LRP1B: variants seen among roughly 807,000 people sequenced by gnomAD.
LRP1B encodes LDL receptor related protein 1B, also known as low-density lipoprotein receptor-related protein 1B.
Under a neutral mutation model 556.6 loss-of-function variants are expected in LRP1B, and 217 were observed. The ratio of observed to expected loss-of-function variants is 0.39; its 90% CI spans 0.35 to 0.44. The LOEUF (loss-of-function observed/expected upper bound fraction) is 0.44, where lower values mean the gene tolerates loss of function less well. Ranked by LOEUF, LRP1B falls within the 20% of genes least tolerant of loss-of-function variation. LRP1B has a pLI of 1.00. For synonymous variants in LRP1B, 2,047 were observed against 1,865.8 expected, an observed-to-expected ratio of 1.10 and a Z score of -2.50; for missense variants, 5,053 against 5,620.8, an observed-to-expected ratio of 0.90 and a Z score of 3.23.
chr2:141,953,778 A>G (rs1701174709), intron 1 of LRP1B, among the ~76,000 whole-genome samples: 2 of 152,122 alleles, frequency 1.3e-5, no homozygotes, highest in African/African-American at 2.4e-5. Flanking sequence ...TTTGGCTTAT[A>G]TATGCCATTC....
In LRP1B at chr2:141,788,279, T is replaced by G. The variant is rs116296522; in HGVS notation, c.205+22000A>C. On this transcript the variant is annotated intron_variant, in intron 2 of 90. Coordinates refer to ENST00000389484, the MANE Select transcript of LRP1B (RefSeq NM_018557.3). Reference sequence around the variant, plus strand: ...TTGGAATTGTTGAGCTCCCTAAAACTGAAGTGATGATTCCTAACCTGGGAA... The same window carrying G: ...TTGGAATTGTTGAGCTCCCTAAAACGGAAGTGATGATTCCTAACCTGGGAA... 2.9e-3 allele frequency among the ~76,000 whole-genome samples: 447 copies of G among 152,114 alleles called. 3 individuals are homozygous for G. The highest frequency in any genetic ancestry group is 0.01 in the African/African-American group (423 of 41,532).
chr2:141,822,408 AG>A (rs1470473751), intron 1 of LRP1B, among the ~76,000 whole-genome samples: 1 of 152,206 alleles, frequency 6.6e-6, no homozygotes, highest in Non-Finnish European at 1.5e-5. Flanking sequence ...GAAGGAGAAA[AG>A]TTTGACATCT....
chr2:140,651,515 C>A (rs1574194304), intron 41 of LRP1B, among the ~76,000 whole-genome samples: 11 of 105,558 alleles, frequency 1.0e-4, no homozygotes, highest in East Asian at 2.8e-4. Flanking sequence ...AAAAAAAACA[C>A]ATACAAAAAT....
At position 140,506,663 on chromosome 2, in the gene LRP1B, G is replaced by GAAC. The variant is rs1378957199; in HGVS notation, c.8521+132_8521+133insGTT. 9.8e-5 allele frequency: 80 copies of GAAC among 813,276 alleles called. No homozygotes were observed. The African/African-American group carries it at 1.3e-3, about 13-fold the overall frequency. 50.4% of individuals were successfully genotyped at this position (813,276 alleles called of 1,614,324 possible). A position where few individuals can be genotyped will look rare whatever the true frequency, so the allele number is the denominator to read the frequency against. On this transcript the variant is annotated intron_variant, in intron 53 of 90. Transcript: ENST00000389484. Reference sequence around the variant, plus strand: ...AATAAGTTATATGTGCTGTGATTGTGTATTACTGAATTCACTGGGTGTTGA... The same window carrying GAAC: ...AATAAGTTATATGTGCTGTGATTGTGAACTATTACTGAATTCACTGGGTGTTGA...
chr2:141,966,935 C>G (rs1025487121), intron 1 of LRP1B, among the ~76,000 whole-genome samples: 12 of 151,820 alleles, frequency 7.9e-5, no homozygotes, highest in African/African-American at 2.7e-4. Flanking sequence ...GTGCTGGCTT[C>G]CATATTCTTG....
intron 3 of LRP1B, among the ~76,000 whole-genome samples, chr2:141,445,335 T>A (rs1168060153): frequency 6.6e-6 from 1 of 152,208 alleles, no homozygotes; most frequent in East Asian, 1.9e-4. Flanking sequence ...TTTATTAGTT[T>A]GGCTAGTGGT....
intron 11 of LRP1B, among the ~76,000 whole-genome samples, chr2:141,037,791 G>A (rs1698575765): frequency 6.6e-6 from 1 of 151,724 alleles, no homozygotes; most frequent in Non-Finnish European, 1.5e-5. Flanking sequence ...ATGTCCTTTG[G>A]CCAAAGGAAA....
chr2:141,198,794 G>A (rs543445261), intron 6 of LRP1B, among the ~76,000 whole-genome samples: 1 of 152,210 alleles, frequency 6.6e-6, no homozygotes, highest in South Asian at 2.1e-4. Flanking sequence ...TTTCCCAGTA[G>A]GCAAACATTA....
At chr2:142,082,508 C>A (rs1464780239) in intron 1 of LRP1B, among the ~76,000 whole-genome samples, 1 of 152,170 alleles carries the variant, frequency 6.6e-6, no homozygotes, top group African/African-American at 2.4e-5. Flanking sequence ...CAGTGAGCAG[C>A]CACACTGGCT....
In LRP1B at chr2:140,526,274, G is replaced by A. The variant is rs1298939574; in HGVS notation, c.7839C>T (p.Asn2613=). Residue 2613 remains asparagine (N), a synonymous_variant, in exon 48 of 91, where the codon AAC becomes AAT. Coordinates refer to ENST00000389484, the MANE Select transcript of LRP1B (RefSeq NM_018557.3). Reference sequence around the variant, plus strand: ...CATCTGAAGCATCTGCACAATCTATGTTCTGGTTGCATCGTGCTGATCTTG... The same window carrying A: ...CATCTGAAGCATCTGCACAATCTATATTCTGGTTGCATCGTGCTGATCTTG... ...CIPRSARCNQ[N]IDCADASDEK... is the part of the protein sequence containing the mutation. 1 of 1,611,968 alleles carries A rather than the reference G, an allele frequency of 6.2e-7. No homozygotes were observed. Among genetic ancestry groups the A allele is most frequent in the Admixed American group, 1.7e-5 (1 of 59,786 alleles).
intron 55 of LRP1B, among the ~76,000 whole-genome samples, chr2:140,498,924 A>G (rs1307172256): frequency 1.3e-5 from 2 of 151,864 alleles, no homozygotes; most frequent in African/African-American, 4.8e-5. Context: ...ATTTCCATCA[A>G]TAGGTGTTTT....
chr2:140,247,154 G>A lies in LRP1B; in HGVS notation c.13256C>T (p.Thr4419Ile), dbSNP rs765024477. 3 of 1,607,768 alleles carry A rather than the reference G, an allele frequency of 1.9e-6. No homozygotes were observed. The highest frequency in any genetic ancestry group is 1.3e-5 in the African/African-American group (1 of 74,616). ...ETNVPVCLCSTNWSGTQCERP... is the reference protein window; with the variant it reads ...ETNVPVCLCSINWSGTQCERP... ...TTCACACTGTGTGCCTGACCAGTTGGTGGAGCATCTAAAAATATCCAAACA... is the reference window on the plus strand; with the variant it reads ...TTCACACTGTGTGCCTGACCAGTTGATGGAGCATCTAAAAATATCCAAACA... The change falls in exon 87 of 91, where the codon ACC becomes ATC. Residue 4419 changes from threonine to isoleucine, a missense_variant. By Grantham distance (89) the Thr-to-Ile change is moderately conservative (BLOSUM62 -1). Around this residue, in one of 5 missense-constraint regions of LRP1B, gnomAD observed 551 missense variants for 592.0 expected, o/e 0.93. Coordinates refer to ENST00000389484, the MANE Select transcript of LRP1B (RefSeq NM_018557.3).
chr2:141,200,025 A>G (rs1445421146), intron 6 of LRP1B, among the ~76,000 whole-genome samples: 1 of 152,220 alleles, frequency 6.6e-6, no homozygotes, highest in East Asian at 1.9e-4. Context: ...GCAATTCCTC[A>G]AAGAGCTAAA....
intron 11 of LRP1B, among the ~76,000 whole-genome samples, chr2:141,029,213 C>A (rs1383992297): frequency 1.3e-5 from 2 of 152,066 alleles, no homozygotes; most frequent in African/African-American, 2.4e-5. Context: ...ACTTAAATAG[C>A]CTTTTCCCCC....
At chr2:141,603,359 A>G (rs1687816785) in intron 2 of LRP1B, among the ~76,000 whole-genome samples, 1 of 152,172 alleles carries the variant, frequency 6.6e-6, no homozygotes, top group Admixed American at 6.5e-5. Flanking sequence ...TTTGTGTAAA[A>G]GCTCAAGTAG....
intron 13 of LRP1B, among the ~76,000 whole-genome samples, chr2:141,014,392 T>C (rs1697843264): frequency 6.6e-6 from 1 of 152,104 alleles, no homozygotes; most frequent in South Asian, 2.1e-4. Context: ...TATTGTTTTG[T>C]TGTTCCTTAA....
At chr2:141,455,794 T>G (rs1681608208) in intron 3 of LRP1B, among the ~76,000 whole-genome samples, 1 of 152,228 alleles carries the variant, frequency 6.6e-6, no homozygotes, top group Admixed American at 6.5e-5. Flanking sequence ...TACCAACTTT[T>G]GAAATGCTTT....
At chr2:140,819,946 A>T (rs540849055) in intron 31 of LRP1B, among the ~76,000 whole-genome samples, 6 of 152,298 alleles carry the variant, frequency 3.9e-5, no homozygotes, top group Non-Finnish European at 8.8e-5. Flanking sequence ...CTGGGAATTT[A>T]ACTCAGAGAA....
In LRP1B at chr2:140,886,183, C is replaced by T. The variant is rs2105192167; in HGVS notation, c.3919G>A (p.Val1307Ile). The T allele has an allele frequency of 6.2e-7, 1 of 1,611,040 alleles. No homozygotes were observed. The highest frequency in any genetic ancestry group is 8.5e-7 in the Non-Finnish European group (1 of 1,178,012). ...CCCCGGTATATTCTGTCTTCTACAACATCTGTCCAATAAAGTAAACTTTGA... is the reference window on the plus strand; with the variant it reads ...CCCCGGTATATTCTGTCTTCTACAATATCTGTCCAATAAAGTAAACTTTGA... ...FNQSLLYWTD[V>I]VEDRIYRGKL... is the part of the protein sequence containing the mutation. The change falls in exon 24 of 91, where the codon GTT becomes ATT. Residue 1307 changes from valine to isoleucine, a missense_variant. Val to Ile is a conservative substitution (Grantham distance 29). Coordinates refer to ENST00000389484, the MANE Select transcript of LRP1B (RefSeq NM_018557.3).
Sources: allele counts gnomAD v4.1 joint callset (sites outside exome capture counted in the v4.1 genomes callset), GRCh38; gene constraint gnomAD v4.1.1; regional missense constraint gnomAD v4.1.1; transcripts MANE v1.5; gene names NCBI Gene and HGNC (gene_info 2026-07-23, HGNC 2026-07-21).